TCERG1: variants seen among roughly 807,000 people sequenced by gnomAD.
TCERG1 encodes TATA box binding protein (TBP)-associated factor, RNA polymerase II, S, 150kD.
TCERG1 carries 37 observed loss-of-function variants against 144.7 expected under a neutral mutation model. The ratio of observed to expected loss-of-function variants is 0.26; its 90% confidence interval spans 0.20 to 0.34. The LOEUF is 0.34. TCERG1 is among the 10% of genes least tolerant of loss of function. TCERG1 has a pLI of 1.00. For synonymous variants in TCERG1, 492 were observed against 458.2 expected (o/e 1.07, Z -0.94); for missense variants, 1,027 against 1,380.7 (o/e 0.74, Z 4.06).
intron 19 of TCERG1, among the ~76,000 whole-genome samples, chr5:146,505,126 G>A (rs886291134): frequency 2.7e-5 from 4 of 150,118 alleles, no homozygotes; most frequent in South Asian, 4.2e-4. Context: ...ATCTCATAAT[G>A]TTTTAAGAAA....
chr5:146,503,691 G>C, intron 18 of TCERG1, 133 bp from the exon 19 acceptor site: 3 of 1,343,430 alleles, frequency 2.2e-6, no homozygotes, highest in Non-Finnish European at 3.0e-6. Flanking sequence ...TTGGAGATGA[G>C]AGGTACACAG....
intron 3 of TCERG1, among the ~76,000 whole-genome samples, chr5:146,457,856 T>A (rs1762963556): frequency 6.6e-6 from 1 of 152,196 alleles, no homozygotes; most frequent in Admixed American, 6.5e-5. Flanking sequence ...GTTGTTTTGT[T>A]TTTGTTTTTT....
chr5:146,495,377 A>G (rs752259832), intron 16 of TCERG1, among the ~76,000 whole-genome samples: 8 of 152,164 alleles, frequency 5.3e-5, no homozygotes, highest in African/African-American at 1.7e-4. Context: ...TGCTTTTTCT[A>G]TCTTAAAATT....
At chr5:146,470,510 A>AT in intron 7 of TCERG1, 126 bp from the exon 8 acceptor site, 1 of 706,346 alleles carries the variant, frequency 1.4e-6, no homozygotes, top group Non-Finnish European at 2.2e-6. Flanking sequence ...TCAAAGATAT[A>AT]AGGAAAGACA....
chr5:146,506,927 A>C (rs911829298), intron 19 of TCERG1, 101 bp from the exon 20 acceptor site: 2 of 985,362 alleles, frequency 2.0e-6, no homozygotes, highest in African/African-American at 3.3e-5. Context: ...GGTTGATTCC[A>C]TATCTTGGCT....
At chr5:146,497,637 T>C (rs937218180) in intron 16 of TCERG1, among the ~76,000 whole-genome samples, 1 of 152,146 alleles carries the variant, frequency 6.6e-6, no homozygotes, top group Non-Finnish European at 1.5e-5. Context: ...CATTGAAAAG[T>C]GGATATTTTT....
intron 4 of TCERG1, among the ~76,000 whole-genome samples, chr5:146,461,671 A>T (rs1257170436): frequency 1.3e-5 from 2 of 152,062 alleles, no homozygotes; most frequent in African/African-American, 4.8e-5. Flanking sequence ...TATTTTCCTG[A>T]CTATAGTACT....
intron 15 of TCERG1, 39 bp downstream of exon 15, chr5:146,483,668 T>G: frequency 4.1e-5 from 60 of 1,474,388 alleles, no homozygotes; most frequent in Non-Finnish European, 5.2e-5. Flanking sequence ...TGTATATCTC[T>G]TGCCAACATA....
intron 11 of TCERG1, 27 bp from the exon 12 acceptor site, chr5:146,480,001 A>C (rs758641668): frequency 7.5e-6 from 12 of 1,590,982 alleles, no homozygotes; most frequent in African/African-American, 1.4e-5. Flanking sequence ...TCATTCCTAA[A>C]TATTTTAATT....
chr5:146,491,025 T>C (rs1021666165), intron 15 of TCERG1, among the ~76,000 whole-genome samples: 10 of 152,158 alleles, frequency 6.6e-5, no homozygotes, highest in Non-Finnish European at 1.3e-4. Context: ...TTTATTTTTC[T>C]GTATAGTTTC....
intron 17 of TCERG1, 42 bp from the exon 18 acceptor site, chr5:146,503,333 C>T: frequency 1.9e-6 from 3 of 1,574,472 alleles, no homozygotes; most frequent in Non-Finnish European, 2.6e-6. Flanking sequence ...TCTCATGGTA[C>T]ATTATTTTCC....
chr5:146,486,457 T>G (rs1262216465), intron 15 of TCERG1, among the ~76,000 whole-genome samples: 1 of 152,244 alleles, frequency 6.6e-6, no homozygotes, highest in Non-Finnish European at 1.5e-5. Flanking sequence ...CCATAAAAAC[T>G]AGACCATTTG....
chr5:146,480,309 T>G (rs75016721), intron 12 of TCERG1: 414 of 341,546 alleles, frequency 1.2e-3, no homozygotes, highest in African/African-American at 8.0e-3. Flanking sequence ...ATATATGTAT[T>G]ATGACTCCAA....
At chr5:146,463,377 G>A (rs1317508747) in intron 4 of TCERG1, among the ~76,000 whole-genome samples, 174 bp from the exon 5 acceptor site, 2 of 151,828 alleles carry the variant, frequency 1.3e-5, no homozygotes, top group Non-Finnish European at 2.9e-5. Flanking sequence ...ATTCATTTTT[G>A]TATTTCATTT....
chr5:146,482,641 G>A lies in TCERG1; in HGVS notation c.1987G>A (p.Ala663Thr). ...CTCAGAGAAAGAAGCTGCCATGGAA[G>A]CTGAAATTAAAGCTGCCCGAGAAAG... Reference protein sequence around the residue: ...IDSEKEAAMEAEIKAARERAI... With the variant: ...IDSEKEAAMETEIKAARERAI... The change falls in exon 14 of 23, where the codon GCT (alanine) becomes ACT (threonine). Residue 663 changes from alanine (A) to threonine (T), a missense_variant. Ala to Thr is a moderately conservative substitution (Grantham distance 58). Transcript: ENST00000679501. The A allele has an allele frequency of 6.2e-7, 1 of 1,613,194 alleles. No homozygotes were observed. The highest frequency in any genetic ancestry group is 8.5e-7 in the Non-Finnish European group (1 of 1,179,448).
chr5:146,508,017 C>T (rs1768162192), intron 21 of TCERG1, 61 bp downstream of exon 21: 6 of 1,199,522 alleles, frequency 5.0e-6, no homozygotes, highest in Non-Finnish European at 7.2e-6. Flanking sequence ...CGGGGCCTAA[C>T]AGCACTACTA....
intron 19 of TCERG1, chr5:146,504,276 A>G (rs1252961770): frequency 2.2e-5 from 6 of 273,170 alleles, no homozygotes; most frequent in African/African-American, 4.4e-5. Context: ...TTCTTGATGA[A>G]AGTCATTGTA....
intron 17 of TCERG1, among the ~76,000 whole-genome samples, chr5:146,501,887 C>CTTTTTTT (rs70998087): frequency 1.4e-5 from 1 of 73,416 alleles, no homozygotes; most frequent in Non-Finnish European, 2.6e-5. Context: ...ATCAACTTCA[C>CTTTTTTT]TTTTTTTTTT....
chr5:146,510,130 G>C, intron 22 of TCERG1: 1 of 1,287,926 alleles, frequency 7.8e-7, no homozygotes, highest in South Asian at 1.3e-5. Flanking sequence ...CAGCCCCGCA[G>C]ACTGAAGTCC....
Sources: gnomAD v4.1 joint callset for allele counts (sites outside exome capture counted in the v4.1 genomes callset) on GRCh38, gnomAD v4.1.1 for gene constraint, MANE v1.5 for transcripts, NCBI Gene and HGNC (gene_info 2026-07-23, HGNC 2026-07-21) for gene names.